DCLK1: variants seen among roughly 807,000 people sequenced by gnomAD.
DCLK1 encodes serine/threonine-protein kinase DCLK1.
DCLK1 carries 16 observed loss-of-function variants against 86.2 expected under a neutral mutation model. The observed-to-expected ratio is 0.19, with a 90% CI of 0.13 to 0.28. The LOEUF (loss-of-function observed/expected upper bound fraction) is 0.28. DCLK1 is among the 10% of genes least tolerant of loss of function. DCLK1 has a pLI of 1.00. For synonymous variants in DCLK1, 369 were observed against 370.5 expected, an observed-to-expected ratio of 1.00 and a Z score of 0.05; for missense variants, 590 against 940.2, an observed-to-expected ratio of 0.63 and a Z score of 4.87.
At position 35,854,568 on chromosome 13, in the gene DCLK1, G is replaced by C. The variant is rs1190683376; in HGVS notation, c.966C>G (p.Leu322=). Reference sequence around the variant, plus strand: ...GCGACTTGCCTGAGCGCGGAGTAGAGAGCTGACTACCAGGGGTTCCATTAA... The same window carrying C: ...GCGACTTGCCTGAGCGCGGAGTAGACAGCTGACTACCAGGGGTTCCATTAA... ...SSVNGTPGSQ[L]STPRSGKSPS... Residue 322 remains leucine, a synonymous_variant, in exon 6 of 17, where the codon CTC becomes CTG. Coordinates refer to ENST00000360631, the MANE Select transcript of DCLK1 (RefSeq NM_001330071.2). 2.5e-6 allele frequency: 4 copies of C among 1,603,266 alleles called. No individual in the cohort carries two copies. The highest frequency in any genetic ancestry group is 1.1e-5 in the South Asian group (1 of 89,292).
chr13:35,849,608 T>G, intron 6 of DCLK1: 2 of 978,358 alleles, frequency 2.0e-6, no homozygotes, highest in Non-Finnish European at 2.4e-6. Context: ...ACGACTATAA[T>G]TTTTAAAATA....
rs191114598 is a variant in DCLK1, at chr13:35,768,947, G to C, written c.*5588C>G. ...ACTCCAATATGGCAAATGAACTGAG[G>C]AGCGTACCCTTCAGCTAAGGTATTA... On this transcript the variant is annotated 3_prime_UTR_variant, in exon 17 of 17. Transcript: ENST00000360631. 5.3e-5 allele frequency: 8 copies of C among 152,274 alleles called. No homozygotes were observed. Among genetic ancestry groups the C allele is most frequent in the Middle Eastern group, 3.4e-3 (1 of 294 alleles). 9.4% of individuals were successfully genotyped at this position (152,274 alleles called of 1,614,324 possible).
rs571089810 is a variant in DCLK1, at chr13:35,872,963, T to C, written c.824-1623A>G. Among the ~76,000 whole-genome samples the C allele has an allele frequency of 1.9e-3, 294 of 152,328 alleles. 2 individuals are homozygous for C. Among genetic ancestry groups the C allele is most frequent in the African/African-American group, 4.5e-3 (187 of 41,588 alleles). Reference sequence around the variant, plus strand: ...CCCATAGCAATCAAAACTGTTTTTCTAAACCCTGCATCATATTTTGTAATA... The same window carrying C: ...CCCATAGCAATCAAAACTGTTTTTCCAAACCCTGCATCATATTTTGTAATA... On this transcript the variant is annotated intron_variant, in intron 4 of 16. Transcript: ENST00000360631.
chr13:35,769,299 G>A lies in DCLK1; in HGVS notation c.*5236C>T, dbSNP rs1432606971. 1.3e-5 allele frequency: 2 copies of A among 152,078 alleles called. No individual in the cohort carries two copies. The highest frequency in any genetic ancestry group is 4.8e-5 in the African/African-American group (2 of 41,416). 9.4% of individuals were successfully genotyped at this position (152,078 alleles called of 1,614,324 possible). ...AAAAGAAATATTGAATTTTTTTCTT[G>A]AGTCAAATTGAAACCTTTCAGAAAC... On this transcript the variant is annotated 3_prime_UTR_variant, in exon 17 of 17. Coordinates refer to ENST00000360631, the MANE Select transcript of DCLK1 (RefSeq NM_001330071.2).
At chr13:36,014,913 C>T (rs1881473412) in intron 3 of DCLK1, among the ~76,000 whole-genome samples, 1 of 152,114 alleles carries the variant, frequency 6.6e-6, no homozygotes, top group Non-Finnish European at 1.5e-5. Flanking sequence ...GTGGCTTCTT[C>T]TCATCCTTCA....
chr13:35,866,267 G>C (rs10507434), intron 5 of DCLK1, among the ~76,000 whole-genome samples: 21,174 of 152,150 alleles, frequency 0.14, 1,586 homozygotes, highest in East Asian at 0.24. Context: ...TAATGTTTCA[G>C]GTAAATATAA....
At chr13:36,051,261 T>C (rs946290152) in intron 3 of DCLK1, among the ~76,000 whole-genome samples, 6 of 152,176 alleles carry the variant, frequency 3.9e-5, no homozygotes, top group Non-Finnish European at 8.8e-5. Flanking sequence ...TTTGCCTATC[T>C]GGTCATCAAG....
chr13:35,963,507 T>A (rs768450100), intron 3 of DCLK1, among the ~76,000 whole-genome samples: 52 of 152,298 alleles, frequency 3.4e-4, no homozygotes, highest in Non-Finnish European at 5.6e-4. Flanking sequence ...GGGTATGAAA[T>A]TTTTCTGGCA....
At chr13:36,122,267 G>A (rs1886019463) in intron 2 of DCLK1, among the ~76,000 whole-genome samples, 1 of 152,116 alleles carries the variant, frequency 6.6e-6, no homozygotes, top group Non-Finnish European at 1.5e-5. Flanking sequence ...GCAAACTGCA[G>A]CTCCAGAGTC....
intron 3 of DCLK1, among the ~76,000 whole-genome samples, chr13:36,077,599 A>C (rs1593869775): frequency 6.6e-6 from 1 of 152,342 alleles, no homozygotes; most frequent in African/African-American, 2.4e-5. Context: ...TCTATAATAA[A>C]GCACAAAGAA....
chr13:35,789,161 G>T (rs2153098930), intron 16 of DCLK1, among the ~76,000 whole-genome samples: 1 of 152,246 alleles, frequency 6.6e-6, no homozygotes, highest in Admixed American at 6.5e-5. Context: ...TCCCCATTCT[G>T]CCCACGAGAG....
In DCLK1 at chr13:36,041,950, T is replaced by C. The variant is rs1172312537; in HGVS notation, c.723+69919A>G. On this transcript the variant is annotated intron_variant, in intron 3 of 16. Transcript: ENST00000360631. ...GACTCTATCTATAAGGAATTTTTAT[T>C]GTCTCTTCTTCTCTTGCCCCATATT... Among the ~76,000 whole-genome samples the C allele has an allele frequency of 2.0e-5, 3 of 152,350 alleles. No individual in the cohort carries two copies. In the East Asian group the frequency reaches 5.8e-4, roughly 29 times the overall value.
At chr13:35,798,771 G>A (rs1226182187) in intron 15 of DCLK1, among the ~76,000 whole-genome samples, 2 of 152,180 alleles carry the variant, frequency 1.3e-5, no homozygotes, top group Non-Finnish European at 2.9e-5. Flanking sequence ...GTGTCATTGG[G>A]CTTCACTTAA....
intron 4 of DCLK1, among the ~76,000 whole-genome samples, chr13:35,909,154 G>A (rs1468198419): frequency 6.6e-6 from 1 of 152,184 alleles, no homozygotes; most frequent in African/African-American, 2.4e-5. Context: ...CCCGGGAGCG[G>A]CATTTTATGT....
intron 3 of DCLK1, among the ~76,000 whole-genome samples, chr13:36,101,750 T>C (rs1193108269): frequency 6.6e-6 from 1 of 152,060 alleles, no homozygotes; most frequent in Non-Finnish European, 1.5e-5. Context: ...AATTTTTTTT[T>C]TCTTTTGAGA....
chr13:35,960,614 C>T (rs1002954553), intron 3 of DCLK1, among the ~76,000 whole-genome samples: 1 of 152,156 alleles, frequency 6.6e-6, no homozygotes, highest in Non-Finnish European at 1.5e-5. Context: ...TTCACCACTA[C>T]AGCTGGCTAA....
intron 4 of DCLK1, among the ~76,000 whole-genome samples, chr13:35,939,992 T>C (rs1291733948): frequency 6.6e-6 from 1 of 152,200 alleles, no homozygotes; most frequent in East Asian, 1.9e-4. Flanking sequence ...CTGACATCTT[T>C]ACACATAAAC....
At chr13:35,992,243 T>C (rs1391056511) in intron 3 of DCLK1, among the ~76,000 whole-genome samples, 1 of 152,188 alleles carries the variant, frequency 6.6e-6, no homozygotes, top group Non-Finnish European at 1.5e-5. Flanking sequence ...CTGAATCCAC[T>C]TCAGAGACAA....
At chr13:35,973,898 AC>A (rs1488593431) in intron 3 of DCLK1, among the ~76,000 whole-genome samples, 1 of 151,836 alleles carries the variant, frequency 6.6e-6, no homozygotes, top group African/African-American at 2.4e-5. Context: ...GGACAGAGAA[AC>A]CCCCCTTTCT....
Sources: gnomAD v4.1 joint callset for allele counts (sites outside exome capture counted in the v4.1 genomes callset) on GRCh38, gnomAD v4.1.1 for gene constraint, MANE v1.5 for transcripts, NCBI Gene and HGNC (gene_info 2026-07-23, HGNC 2026-07-21) for gene names.